The following APC variants were observed in gnomAD, a reference collection of about 807,000 sequenced individuals.
The protein encoded by APC is adenomatous polyposis coli protein.
A neutral mutation model predicts 247.0 loss-of-function variants in APC; 72 were observed. That is an observed-to-expected ratio of 0.29 (90% CI 0.24 to 0.35). The LOEUF is 0.35. APC is among the 10% of genes least tolerant of loss of function. APC has a pLI of 1.00. For missense variants in APC, 3,400 were observed against 3,360.7 expected, an observed-to-expected ratio of 1.01 and a Z score of -0.29; for synonymous variants, 1,254 against 1,162.5, an observed-to-expected ratio of 1.08 and a Z score of -1.60.
chr5:112,741,276 C>T (rs1257611900), intron 1 of APC, among the ~76,000 whole-genome samples: 1 of 152,180 alleles, frequency 6.6e-6, no homozygotes, highest in African/African-American at 2.4e-5. Flanking sequence ...AAGATATCCT[C>T]TAATTTAGAA....
intron 1 of APC, among the ~76,000 whole-genome samples, chr5:112,745,640 A>G (rs565113739): frequency 6.6e-6 from 1 of 151,812 alleles, no homozygotes; most frequent in African/African-American, 2.4e-5. Context: ...CTCGGCTCAC[A>G]GCAACCTCCA....
At chr5:112,828,526 C>T (rs963874066) in intron 13 of APC, among the ~76,000 whole-genome samples, 2 of 151,700 alleles carry the variant, frequency 1.3e-5, no homozygotes, top group African/African-American at 4.8e-5. Context: ...GATTATGGCT[C>T]ACAGTAACCT....
chr5:112,840,741 A>G lies in APC; in HGVS notation c.5147A>G (p.Asn1716Ser), dbSNP rs141298709. ...SSVTIPELDD[N>S]KAEEGDILAE... ...GTAACCATACCTGAATTGGATGACAATAAAGCAGAGGAAGGTGATATTCTT... is the reference window on the plus strand; with the variant it reads ...GTAACCATACCTGAATTGGATGACAGTAAAGCAGAGGAAGGTGATATTCTT... Residue 1716 changes from asparagine (N) to serine (S), a missense_variant, in exon 16 of 16, where the codon AAT becomes AGT. Around this residue, in one of 9 missense-constraint regions of APC, gnomAD observed 1,788 missense variants for 1,649.5 expected, o/e 1.08. Coordinates refer to ENST00000257430, the MANE Select transcript of APC (RefSeq NM_000038.6). The surrounding 1 kb of genome is among the most constrained non-coding windows in gnomAD (Gnocchi z 4.1). 1.9e-5 allele frequency: 30 copies of G among 1,613,990 alleles called. No individual in the cohort carries two copies. The highest frequency in any genetic ancestry group is 1.5e-4 in the South Asian group (14 of 91,088).
In APC at chr5:112,841,824, C is replaced by G. The variant is rs755022193; in HGVS notation, c.6230C>G (p.Thr2077Arg). ...GGTGGCATATTAGGTGAAGATCTGA[C>G]ACTTGATTTGAAAGATATACAGAGA... ...NMGGILGEDL[T>R]LDLKDIQRPD... The change falls in exon 16 of 16, where the codon ACA becomes AGA. Residue 2077 changes from threonine (T) to arginine (R), a missense_variant. This residue lies in a region of APC where 1,788 missense variants were observed against 1,649.5 expected (regional missense o/e 1.08). Transcript: ENST00000257430. This position sits in a 1 kb window ranked among gnomAD's most constrained non-coding sequence, Gnocchi z 4.6. The G allele has an allele frequency of 6.2e-7, 1 of 1,613,894 alleles. No individual in the cohort carries two copies. The highest frequency in any genetic ancestry group is 8.5e-7 in the Non-Finnish European group (1 of 1,179,840).
intron 3 of APC, 76 bp from the exon 4 acceptor site, chr5:112,767,113 A>C: frequency 1.6e-6 from 2 of 1,238,926 alleles, no homozygotes; most frequent in South Asian, 2.6e-5. Context: ...TTTCACTTTA[A>C]AATAATATAA....
intron 14 of APC, among the ~76,000 whole-genome samples, chr5:112,833,897 A>T (rs1000490921): frequency 7.2e-5 from 11 of 152,158 alleles, no homozygotes; most frequent in African/African-American, 2.7e-4. Flanking sequence ...TTGTCATTTA[A>T]TAATACTTCC....
rs1554087886 is a variant in APC at position 112,842,568 on chromosome 5, G to A, written c.6974G>A (p.Gly2325Asp). ...TTAAGTAGACCTATACAGTCTCCTG[G>A]CCGAAACTCAATTTCCCCTGGTAGA... ...QPLSRPIQSP[G>D]RNSISPGRNG... Residue 2325 changes from glycine to aspartate, a missense_variant, in exon 16 of 16, where the codon GGC becomes GAC. Physicochemically the swap from Gly to Asp is moderately conservative, Grantham distance 94 (BLOSUM62 -1). Transcript: ENST00000257430. 1.2e-6 allele frequency: 2 copies of A among 1,613,708 alleles called. No individual in the cohort carries two copies. The highest frequency in any genetic ancestry group is 1.7e-6 in the Non-Finnish European group (2 of 1,179,794).
intron 2 of APC, among the ~76,000 whole-genome samples, chr5:112,758,468 G>A (rs1334200665): frequency 2.0e-5 from 3 of 151,926 alleles, no homozygotes; most frequent in Admixed American, 6.6e-5. Flanking sequence ...CTGGGACTAC[G>A]GGTGTGCACC....
intron 1 of APC, among the ~76,000 whole-genome samples, chr5:112,717,908 C>CTTTTTCTTTTTTTTTTT (rs1751264440): frequency 2.5e-5 from 1 of 40,632 alleles, no homozygotes; most frequent in Non-Finnish European, 4.5e-5. Context: ...TTTTCTTTTT[C>CTTTTTCTTTTTTTTTTT]TTTTTTTTTT....
chr5:112,728,546 G>A (rs1751927108), intron 1 of APC, among the ~76,000 whole-genome samples: 1 of 152,106 alleles, frequency 6.6e-6, no homozygotes, highest in African/African-American at 2.4e-5. Flanking sequence ...TAACCGATTA[G>A]GACATGTTAA....
At chr5:112,799,986 T>G (rs1760640298) in intron 7 of APC, among the ~76,000 whole-genome samples, 1 of 152,190 alleles carries the variant, frequency 6.6e-6, no homozygotes, top group South Asian at 2.1e-4. Context: ...ATATCATATC[T>G]CTCTGTTATA....
intron 5 of APC, 139 bp downstream of exon 5, chr5:112,775,876 C>G (rs1757591123): frequency 1.8e-6 from 1 of 546,678 alleles, no homozygotes; most frequent in South Asian, 2.8e-5. Flanking sequence ...AACTTTAGGC[C>G]TGAATATATA....
chr5:112,760,513 A>G (rs1186657082), intron 2 of APC, among the ~76,000 whole-genome samples: 1 of 152,228 alleles, frequency 6.6e-6, no homozygotes, highest in Non-Finnish European at 1.5e-5. Flanking sequence ...ATTTAAGGCT[A>G]GAGAGTTAAG....
chr5:112,808,493 G>A (rs900704079), intron 8 of APC, among the ~76,000 whole-genome samples: 7 of 151,706 alleles, frequency 4.6e-5, no homozygotes, highest in African/African-American at 1.5e-4. Flanking sequence ...TCTCACTCTC[G>A]CCTGGACTAG....
chr5:112,774,462 C>T (rs1047602940), intron 4 of APC, among the ~76,000 whole-genome samples: 2 of 129,172 alleles, frequency 1.5e-5, no homozygotes, highest in African/African-American at 2.6e-5. Flanking sequence ...TCTGCAAGAT[C>T]GATTTTTTTT....
intron 1 of APC, among the ~76,000 whole-genome samples, chr5:112,717,428 G>A (rs896181406): frequency 5.9e-5 from 9 of 151,422 alleles, no homozygotes; most frequent in Admixed American, 4.6e-4. Flanking sequence ...TTTACTTTTC[G>A]TATGATCTTG....
At chr5:112,710,750 T>G (rs1381866433) in intron 1 of APC, among the ~76,000 whole-genome samples, 1 of 152,218 alleles carries the variant, frequency 6.6e-6, no homozygotes, top group African/African-American at 2.4e-5. Flanking sequence ...GATCTGGGTT[T>G]TTGAAGTCTT....
chr5:112,826,227 T>C (rs763733543), intron 11 of APC, among the ~76,000 whole-genome samples: 1 of 152,260 alleles, frequency 6.6e-6, no homozygotes, highest in Non-Finnish European at 1.5e-5. Context: ...TGCCTGTTTA[T>C]ATTCATCTTT....
intron 4 of APC, among the ~76,000 whole-genome samples, chr5:112,773,501 G>A (rs977991145): frequency 1.1e-4 from 16 of 152,114 alleles, no homozygotes; most frequent in East Asian, 5.8e-4. Context: ...TTGACTGCCC[G>A]AAAACTTTAC....
Sources: gnomAD v4.1 joint callset for allele counts (sites outside exome capture counted in the v4.1 genomes callset) on GRCh38, gnomAD v4.1.1 for gene constraint, gnomAD v4.1.1 regional missense constraint, Gnocchi (gnomAD v3.1) non-coding constraint, MANE v1.5 for transcripts, NCBI Gene and HGNC (gene_info 2026-07-23, HGNC 2026-07-21) for gene names.